The following STXBP4 variants were observed in gnomAD, a reference collection of about 807,000 sequenced individuals.
STXBP4 encodes syntaxin binding protein 4.
In STXBP4, 55 loss-of-function variants were observed where a neutral mutation model predicts 76.1. That is an observed-to-expected ratio of 0.72 (90% CI 0.58 to 0.91). The LOEUF is 0.91. Among genes scored for constraint, STXBP4 ranks in the 40% least tolerant of loss-of-function variants. The pLI is 0.00. For missense variants in STXBP4, 618 were observed against 636.9 expected, an observed-to-expected ratio of 0.97 and a Z score of 0.32; for synonymous variants, 201 against 220.2, an observed-to-expected ratio of 0.91 and a Z score of 0.77.
chr17:55,043,544 T>G (rs1169776430), intron 11 of STXBP4: 1 of 1,359,620 alleles, frequency 7.4e-7, no homozygotes, highest in East Asian at 2.5e-5. Context: ...ACATTTAGTG[T>G]GAACAATGGT....
chr17:55,143,783 C>A (rs2080119754), intron 17 of STXBP4, among the ~76,000 whole-genome samples: 1 of 152,128 alleles, frequency 6.6e-6, no homozygotes, highest in African/African-American at 2.4e-5. Flanking sequence ...TTTTGGAAGT[C>A]CATCAATTTT....
At chr17:55,204,064 T>G in the STXBP4 span, among the ~76,000 whole-genome samples, 1 of 151,814 alleles carries the variant, frequency 6.6e-6, no homozygotes, top group East Asian at 1.9e-4. Context: ...TTTTATTTCT[T>G]TTTTTTGGAC....
In STXBP4 at chr17:55,034,190, C is replaced by G. The variant is rs1487700032; in HGVS notation, c.786C>G (p.Asn262Lys). Residue 262 changes from asparagine to lysine, a missense_variant, in exon 10 of 18, where the codon AAC becomes AAG. By Grantham distance (94) the Asn-to-Lys change is moderately conservative. Transcript: ENST00000376352. ...TAGATTTTGTCCAGGTTGCCAGAAA[C>G]TTGTTTTGCTTGCAGTTGGATGAAG... ...SFGDFVQVAR[N>K]LFCLQLDEVN... The G allele has an allele frequency of 6.2e-7, 1 of 1,612,344 alleles. No homozygotes were observed. The highest frequency in any genetic ancestry group is 2.2e-5 in the East Asian group (1 of 44,768).
At chr17:54,982,777 G>C (rs1456364547) in intron 1 of STXBP4, among the ~76,000 whole-genome samples, 1 of 152,162 alleles carries the variant, frequency 6.6e-6, no homozygotes, top group Non-Finnish European at 1.5e-5. Context: ...GAATACCACT[G>C]TTGGGATGGA....
At chr17:54,984,369 G>A (rs1392898988) in intron 1 of STXBP4, among the ~76,000 whole-genome samples, 5 of 135,130 alleles carry the variant, frequency 3.7e-5, no homozygotes, top group African/African-American at 1.4e-4. Flanking sequence ...TTGAGACGGA[G>A]TCTGGCTCTG....
intron 16 of STXBP4, among the ~76,000 whole-genome samples, chr17:55,091,091 A>C (rs2079407536): frequency 1.3e-5 from 2 of 152,128 alleles, no homozygotes; most frequent in African/African-American, 4.8e-5. Context: ...TAGAGAATAT[A>C]CTTTATTTTC....
chr17:55,186,113 A>G, the STXBP4 span, among the ~76,000 whole-genome samples: 1 of 152,216 alleles, frequency 6.6e-6, no homozygotes, highest in Non-Finnish European at 1.5e-5. Context: ...CCACTATGCA[A>G]TTACTTGTCT....
chr17:55,072,123 T>C (rs1189781103), intron 12 of STXBP4, among the ~76,000 whole-genome samples: 1 of 152,158 alleles, frequency 6.6e-6, no homozygotes, highest in African/African-American at 2.4e-5. Context: ...AGTAAAACAG[T>C]AGAAAGACAG....
At chr17:55,052,789 C>A (rs2078874760) in intron 12 of STXBP4, among the ~76,000 whole-genome samples, 1 of 150,040 alleles carries the variant, frequency 6.7e-6, no homozygotes, top group Non-Finnish European at 1.5e-5. Context: ...AAAATGACTA[C>A]AACATCACCT....
At chr17:55,147,169 T>C (rs892003544) in intron 17 of STXBP4, among the ~76,000 whole-genome samples, 2 of 152,192 alleles carry the variant, frequency 1.3e-5, no homozygotes, top group African/African-American at 4.8e-5. Context: ...ATACCAGCAG[T>C]TCCCAACCTT....
chr17:54,970,959 T>G (rs1567864606), intron 1 of STXBP4, among the ~76,000 whole-genome samples: 1 of 144,846 alleles, frequency 6.9e-6, no homozygotes, highest in Non-Finnish European at 1.5e-5. Context: ...TTCATGTTTA[T>G]GAAATACTTC....
chr17:55,106,790 C>T (rs2079640527), intron 16 of STXBP4, among the ~76,000 whole-genome samples: 1 of 151,864 alleles, frequency 6.6e-6, no homozygotes, highest in Non-Finnish European at 1.5e-5. Context: ...ATATTGGTCC[C>T]CACTCTCTTC....
chr17:55,068,333 T>A, intron 12 of STXBP4, among the ~76,000 whole-genome samples: 1 of 152,114 alleles, frequency 6.6e-6, no homozygotes, highest in Middle Eastern at 3.2e-3. Context: ...TGTCACCTAT[T>A]GACATTTTGA....
chr17:54,987,416 A>G (rs1220220141), intron 3 of STXBP4, among the ~76,000 whole-genome samples: 1 of 152,220 alleles, frequency 6.6e-6, no homozygotes, highest in Admixed American at 6.5e-5. Context: ...ATTCTTAAGT[A>G]AAAGGTGTCA....
chr17:55,042,785 A>C (rs1311395721), intron 10 of STXBP4, among the ~76,000 whole-genome samples: 16 of 152,118 alleles, frequency 1.1e-4, no homozygotes, highest in Admixed American at 1.0e-3. Context: ...ATTTAGTTAA[A>C]ACCAGATACA....
chr17:55,086,138 C>T (rs891538596), intron 16 of STXBP4, among the ~76,000 whole-genome samples: 7 of 152,106 alleles, frequency 4.6e-5, no homozygotes, highest in Admixed American at 3.3e-4. Flanking sequence ...TTCTGCAGAA[C>T]TTATTTGGAA....
intron 8 of STXBP4, among the ~76,000 whole-genome samples, chr17:55,016,731 CT>C (rs760496594): frequency 7.2e-5 from 11 of 152,210 alleles, no homozygotes; most frequent in Non-Finnish European, 1.5e-4. Flanking sequence ...TTTAAATCCC[CT>C]GTAAGGAAAT....
intron 12 of STXBP4, among the ~76,000 whole-genome samples, chr17:55,059,232 G>T (rs1172023035): frequency 6.6e-6 from 1 of 152,072 alleles, no homozygotes; most frequent in Non-Finnish European, 1.5e-5. Flanking sequence ...AACTCAGGCT[G>T]ATTGCATAAA....
intron 8 of STXBP4, chr17:55,030,950 A>C: frequency 2.4e-6 from 1 of 424,152 alleles, no homozygotes; most frequent in Non-Finnish European, 4.3e-6. Context: ...GTATTAGCTA[A>C]AGTGCTAGTC....
Sources: allele counts gnomAD v4.1 joint callset (sites outside exome capture counted in the v4.1 genomes callset), GRCh38; gene constraint gnomAD v4.1.1; transcripts MANE v1.5; gene names NCBI Gene and HGNC (gene_info 2026-07-23, HGNC 2026-07-21).